The following AFF3 variants were observed in gnomAD, a reference collection of about 807,000 sequenced individuals.
AFF3 encodes the protein AF4/FMR2 family member 3.
In AFF3, 32 loss-of-function variants were observed where a neutral mutation model predicts 129.7. That is an observed-to-expected ratio of 0.25 (90% CI 0.19 to 0.33). The LOEUF is 0.33. Among genes scored for constraint, AFF3 ranks in the 10% least tolerant of loss-of-function variants. The pLI is 1.00. For synonymous variants in AFF3, 644 were observed against 635.4 expected (o/e 1.01, Z -0.20); for missense variants, 1,373 against 1,592.0 (o/e 0.86, Z 2.34).
intron 7 of AFF3, among the ~76,000 whole-genome samples, chr2:99,897,283 T>C (rs1461222606): frequency 1.3e-5 from 2 of 152,196 alleles, no homozygotes; most frequent in African/African-American, 4.8e-5. Flanking sequence ...GGTAAGCATA[T>C]ATACTTTGAA....
chr2:99,653,070 C>T (rs1169633558), intron 12 of AFF3, among the ~76,000 whole-genome samples: 2 of 152,208 alleles, frequency 1.3e-5, no homozygotes, highest in East Asian at 1.9e-4. Context: ...CAGCAGGCAA[C>T]AGGTGGCATC....
intron 7 of AFF3, among the ~76,000 whole-genome samples, chr2:99,907,772 G>A (rs182469211): frequency 3.3e-5 from 5 of 152,132 alleles, no homozygotes; most frequent in Non-Finnish European, 7.4e-5. Flanking sequence ...TCGATTGCAG[G>A]TGTGAGCCAC....
chr2:99,969,477 TC>T (rs1455864514), intron 7 of AFF3, among the ~76,000 whole-genome samples: 21 of 149,664 alleles, frequency 1.4e-4, no homozygotes, highest in African/African-American at 5.3e-4. Flanking sequence ...TATTTTATTT[TC>T]ATTTATTTAT....
In AFF3 at chr2:99,903,958, C is replaced by T. The variant is rs375397797; in HGVS notation, c.874-66434G>A. ...ATGAAGAGAGAATTTAATAACATCTCATTCCTGCTTAAATTTGCTAAGTTT... is the reference window on the plus strand; with the variant it reads ...ATGAAGAGAGAATTTAATAACATCTTATTCCTGCTTAAATTTGCTAAGTTT... On this transcript the variant is annotated intron_variant, in intron 7 of 24. Coordinates refer to ENST00000672756, the MANE Select transcript of AFF3 (RefSeq NM_001386135.1). 1.5e-4 allele frequency among the ~76,000 whole-genome samples: 23 copies of T among 152,270 alleles called. No homozygotes were observed. The East Asian group carries it at 2.7e-3, about 18-fold the overall frequency.
At chr2:100,138,881 G>T (rs1251489055) in intron 1 of AFF3, among the ~76,000 whole-genome samples, 2 of 149,258 alleles carry the variant, frequency 1.3e-5, no homozygotes. Flanking sequence ...GGAGGCGGAG[G>T]CTGCAGTGAG....
intron 8 of AFF3, among the ~76,000 whole-genome samples, chr2:99,826,394 G>A (rs866930108): frequency 3.9e-5 from 6 of 152,302 alleles, no homozygotes; most frequent in African/African-American, 1.4e-4. Context: ...CAGCCCAGGA[G>A]AAAATAAGAA....
intron 11 of AFF3, among the ~76,000 whole-genome samples, chr2:99,677,325 C>CTTAA (rs1221303954): frequency 6.6e-6 from 1 of 151,644 alleles, no homozygotes; most frequent in African/African-American, 2.4e-5. Context: ...ACTTCATGGC[C>CTTAA]TTAACACTTG....
chr2:99,601,305 C>T (rs2105074808), intron 14 of AFF3, 130 bp downstream of exon 14: 1 of 1,150,490 alleles, frequency 8.7e-7, no homozygotes. Context: ...CCTCCTCCTT[C>T]CCAGCACCTG....
At chr2:99,899,894 T>C (rs1169036416) in intron 7 of AFF3, among the ~76,000 whole-genome samples, 2 of 152,226 alleles carry the variant, frequency 1.3e-5, no homozygotes, top group African/African-American at 2.4e-5. Context: ...TGAAGGCACG[T>C]CTGGAAATGG....
intron 7 of AFF3, among the ~76,000 whole-genome samples, chr2:99,932,344 C>G (rs1230609204): frequency 6.6e-6 from 1 of 152,224 alleles, no homozygotes; most frequent in African/African-American, 2.4e-5. Flanking sequence ...GTGGCTCATT[C>G]TGCTCATCCT....
At chr2:99,820,066 A>G (rs899182833) in intron 8 of AFF3, among the ~76,000 whole-genome samples, 4 of 152,250 alleles carry the variant, frequency 2.6e-5, no homozygotes, top group Non-Finnish European at 5.9e-5. Context: ...ATACACACTC[A>G]AGATCAATTT....
intron 8 of AFF3, among the ~76,000 whole-genome samples, chr2:99,775,108 T>C (rs1434122877): frequency 6.6e-6 from 1 of 152,198 alleles, no homozygotes; most frequent in African/African-American, 2.4e-5. Flanking sequence ...GGCAATGTCG[T>C]GGAGAAGAAG....
At chr2:99,875,609 G>A (rs1308175022) in intron 7 of AFF3, among the ~76,000 whole-genome samples, 2 of 152,136 alleles carry the variant, frequency 1.3e-5, no homozygotes, top group African/African-American at 4.8e-5. Context: ...CTGGCAGTGG[G>A]CATTCAAGCT....
chr2:99,928,373 A>C (rs1485632967), intron 7 of AFF3, among the ~76,000 whole-genome samples: 1 of 152,170 alleles, frequency 6.6e-6, no homozygotes, highest in Non-Finnish European at 1.5e-5. Context: ...TTCCTTGAAT[A>C]CAAGTTCAAG....
chr2:99,898,482 G>A (rs1694129650), intron 7 of AFF3, among the ~76,000 whole-genome samples: 1 of 152,188 alleles, frequency 6.6e-6, no homozygotes, highest in Non-Finnish European at 1.5e-5. Flanking sequence ...CCTAGGAGAA[G>A]CTGTGGGTGC....
chr2:100,123,387 CA>C (rs1270794353), intron 2 of AFF3, among the ~76,000 whole-genome samples: 4 of 152,126 alleles, frequency 2.6e-5, no homozygotes, highest in Non-Finnish European at 5.9e-5. Context: ...CTCCTGGTGA[CA>C]TGACTGTCAA....
intron 13 of AFF3, among the ~76,000 whole-genome samples, chr2:99,641,730 A>G (rs1263318416): frequency 6.6e-6 from 1 of 152,178 alleles, no homozygotes; most frequent in African/African-American, 2.4e-5. Flanking sequence ...TTTCATGGAA[A>G]ATATCTCTTT....
chr2:99,890,645 C>T (rs930383892), intron 7 of AFF3, among the ~76,000 whole-genome samples: 2 of 152,164 alleles, frequency 1.3e-5, no homozygotes, highest in Admixed American at 1.3e-4. Context: ...ACAGGCTGCA[C>T]ACTAACTACC....
chr2:99,827,451 G>A (rs1688177189), intron 8 of AFF3, among the ~76,000 whole-genome samples: 1 of 152,044 alleles, frequency 6.6e-6, no homozygotes, highest in African/African-American at 2.4e-5. Context: ...AGATCACATG[G>A]GGAAATGCTC....
Sources: gnomAD v4.1 joint callset for allele counts (sites outside exome capture counted in the v4.1 genomes callset) on GRCh38, gnomAD v4.1.1 for gene constraint, MANE v1.5 for transcripts, NCBI Gene and HGNC (gene_info 2026-07-23, HGNC 2026-07-21) for gene names.